MDGA2: variants seen among roughly 807,000 people sequenced by gnomAD.
The protein encoded by MDGA2 is MAM domain-containing glycosylphosphatidylinositol anchor protein 2.
MDGA2 carries 40 observed loss-of-function variants against 117.8 expected under a neutral mutation model. The observed-to-expected ratio is 0.34, with a 90% CI of 0.26 to 0.44. The LOEUF is 0.44. Ranked by LOEUF, MDGA2 falls within the 20% of genes least tolerant of loss-of-function variation. The pLI is 1.00. For missense variants in MDGA2, 1,123 were observed against 1,250.6 expected (o/e 0.90, Z 1.54); for synonymous variants, 452 against 439.0 (o/e 1.03, Z -0.37).
At chr14:47,516,850 A>C (rs1894763146) in intron 1 of MDGA2, among the ~76,000 whole-genome samples, 1 of 152,200 alleles carries the variant, frequency 6.6e-6, no homozygotes, top group Admixed American at 6.5e-5. Context: ...ATTTTGGTTA[A>C]GTTTTCTACC....
At chr14:47,341,132 CT>C (rs778359647) in intron 1 of MDGA2, among the ~76,000 whole-genome samples, 2 of 152,196 alleles carry the variant, frequency 1.3e-5, no homozygotes, top group Non-Finnish European at 2.9e-5. Flanking sequence ...ATGTGGCTAA[CT>C]TACATTTCCC....
intron 1 of MDGA2, among the ~76,000 whole-genome samples, chr14:47,453,503 T>G (rs749501896): frequency 6.6e-6 from 1 of 152,126 alleles, no homozygotes; most frequent in Non-Finnish European, 1.5e-5. Flanking sequence ...CTCCCTCACA[T>G]AGTAAATTCT....
At chr14:47,074,941 ATTAAATTTC>A (rs758590466) in intron 6 of MDGA2, among the ~76,000 whole-genome samples, 17 of 152,250 alleles carry the variant, frequency 1.1e-4, no homozygotes, top group Non-Finnish European at 1.8e-4. Flanking sequence ...ATGTTCCTCA[ATTAAATTTC>A]TTATATCACT....
At position 46,882,321 on chromosome 14, in the gene MDGA2, A is replaced by G. The variant is rs1882493349; in HGVS notation, c.2239-100T>C. On this transcript the variant is annotated intron_variant, in intron 10 of 16. Coordinates refer to ENST00000399232, the MANE Select transcript of MDGA2 (RefSeq NM_001113498.3). ...TTGAAATTTTATTAAATCAAAAAGT[A>G]CGTATATTAATGAATACGTATTATT... 21 of 1,005,250 alleles carry G rather than the reference A, an allele frequency of 2.1e-5. 1 individual carries two copies. The South Asian group carries it at 3.4e-4, about 16-fold the overall frequency. 62.3% of individuals were successfully genotyped at this position (1,005,250 alleles called of 1,614,324 possible). A position where few individuals can be genotyped will look rare whatever the true frequency, so the allele number is the denominator to read the frequency against.
At chr14:46,903,810 T>TTAA (rs200800793) in intron 10 of MDGA2, among the ~76,000 whole-genome samples, 184 of 152,306 alleles carry the variant, frequency 1.2e-3, no homozygotes, top group African/African-American at 4.2e-3. Context: ...AATGACTGTG[T>TTAA]GATTTATTAT....
chr14:47,224,672 T>C (rs754777844), intron 2 of MDGA2, among the ~76,000 whole-genome samples: 4 of 152,048 alleles, frequency 2.6e-5, no homozygotes, highest in Non-Finnish European at 1.5e-5. Context: ...GAGAAAAAAA[T>C]TACATAAACA....
At chr14:47,612,520 C>A (rs1896870584) in intron 1 of MDGA2, among the ~76,000 whole-genome samples, 1 of 151,998 alleles carries the variant, frequency 6.6e-6, no homozygotes, top group Non-Finnish European at 1.5e-5. Context: ...AAGGTTAGAA[C>A]CTCCGTCATC....
chr14:47,161,825 ACTCATAG>A (rs1883646811), intron 3 of MDGA2, among the ~76,000 whole-genome samples: 1 of 150,170 alleles, frequency 6.7e-6, no homozygotes, highest in African/African-American at 2.5e-5. Flanking sequence ...TTTCCCTTAA[ACTCATAG>A]CTTTCAGTTT....
At position 47,027,259 on chromosome 14, in the gene MDGA2, A is replaced by G. The variant is rs548280384; in HGVS notation, c.1819+7752T>C. On this transcript the variant is annotated intron_variant, in intron 8 of 16. Transcript: ENST00000399232. ...AATATCCTTACGGCCTTATGGTATT[A>G]TGGAAATGATATAATGATATTATCC... Among the ~76,000 whole-genome samples the G allele has an allele frequency of 3.3e-5, 5 of 152,254 alleles. No individual in the cohort carries two copies. In the East Asian group the frequency reaches 9.6e-4, roughly 29 times the overall value.
At chr14:47,166,764 T>C (rs1883896270) in intron 3 of MDGA2, among the ~76,000 whole-genome samples, 1 of 152,160 alleles carries the variant, frequency 6.6e-6, no homozygotes, top group Non-Finnish European at 1.5e-5. Context: ...CAACAAAAAC[T>C]TCACCTGACG....
At chr14:46,878,059 A>G (rs1882300268) in intron 11 of MDGA2, among the ~76,000 whole-genome samples, 1 of 151,966 alleles carries the variant, frequency 6.6e-6, no homozygotes, top group South Asian at 2.1e-4. Flanking sequence ...TAATTACAGT[A>G]AAATATACAC....
At chr14:47,334,683 A>T (rs189799893) in intron 1 of MDGA2, among the ~76,000 whole-genome samples, 186 of 152,094 alleles carry the variant, frequency 1.2e-3, no homozygotes, top group African/African-American at 4.4e-3. Flanking sequence ...ACAATTCTGT[A>T]AGCAAAGTAA....
At chr14:47,175,231 C>T (rs1213221286) in intron 3 of MDGA2, among the ~76,000 whole-genome samples, 1 of 151,624 alleles carries the variant, frequency 6.6e-6, no homozygotes, top group Non-Finnish European at 1.5e-5. Flanking sequence ...CAAGGAGGAA[C>T]TGGTACCATT....
intron 8 of MDGA2, among the ~76,000 whole-genome samples, chr14:46,978,651 G>T (rs1434364268): frequency 2.0e-5 from 3 of 151,900 alleles, no homozygotes; most frequent in Non-Finnish European, 4.4e-5. Flanking sequence ...GGAGATTATT[G>T]TTGTTAACAG....
At chr14:47,580,353 T>TA (rs1896207102) in intron 1 of MDGA2, among the ~76,000 whole-genome samples, 1 of 152,070 alleles carries the variant, frequency 6.6e-6, no homozygotes, top group South Asian at 2.1e-4. Context: ...TTTATAAAGC[T>TA]GCTAATCCCA....
intron 9 of MDGA2, among the ~76,000 whole-genome samples, chr14:46,946,408 C>A (rs932364882): frequency 6.6e-6 from 1 of 151,976 alleles, no homozygotes; most frequent in African/African-American, 2.4e-5. Context: ...AAAAAATGAC[C>A]TTTTCAAAGG....
intron 14 of MDGA2, among the ~76,000 whole-genome samples, chr14:46,860,861 G>A (rs1881479630): frequency 6.6e-6 from 1 of 151,750 alleles, no homozygotes; most frequent in Admixed American, 6.6e-5. Flanking sequence ...AGCATATGCT[G>A]TACACATTTT....
downstream of MDGA2, among the ~76,000 whole-genome samples, chr14:46,839,683 A>G (rs991934657): frequency 6.6e-6 from 1 of 152,002 alleles, no homozygotes; most frequent in East Asian, 1.9e-4. Context: ...TTGGTCTGAT[A>G]AAGTATATGG....
rs188544091 is a variant in MDGA2, at chr14:46,842,414, A to C, written c.2990-395T>G. Among the ~76,000 whole-genome samples, 55 of 152,242 alleles carry C rather than the reference A, an allele frequency of 3.6e-4. 3 individuals are homozygous for C. In the South Asian group the frequency reaches 7.9e-3, roughly 22 times the overall value. On this transcript the variant is annotated intron_variant, in intron 16 of 16. Transcript: ENST00000399232. ...AGCTTCCCGAAGTGGATAAGCTTGA[A>C]GACTGAAAGAAAATCTATCTTAATG...
Sources: gnomAD v4.1 joint callset for allele counts (sites outside exome capture counted in the v4.1 genomes callset) on GRCh38, gnomAD v4.1.1 for gene constraint, MANE v1.5 for transcripts, NCBI Gene and HGNC (gene_info 2026-07-23, HGNC 2026-07-21) for gene names.